Variants in PEBP4 observed in about 807,000 individuals in gnomAD.
The protein encoded by PEBP4 is phosphatidylethanolamine-binding protein 4.
A neutral mutation model predicts 23.9 loss-of-function variants in PEBP4; 22 were observed. The ratio of observed to expected loss-of-function variants is 0.92; its 90% confidence interval spans 0.66 to 1.31. The LOEUF (loss-of-function observed/expected upper bound fraction) is 1.31. Ranked by LOEUF, PEBP4 falls within the 40% of genes most tolerant of loss-of-function variation. PEBP4 has a pLI of 0.00. For missense variants in PEBP4, 324 were observed against 281.7 expected, an observed-to-expected ratio of 1.15 and a Z score of -1.07; for synonymous variants, 112 against 99.3, an observed-to-expected ratio of 1.13 and a Z score of -0.76.
chr8:22,889,297 G>A (rs965819476), intron 3 of PEBP4, among the ~76,000 whole-genome samples: 1 of 152,228 alleles, frequency 6.6e-6, no homozygotes, highest in Non-Finnish European at 1.5e-5. Context: ...GACCATGGGA[G>A]TGAGAAACAG....
At position 22,927,721 on chromosome 8, in the gene PEBP4, C is replaced by G; in HGVS notation, c.-6-1G>C. Reference sequence around the variant, plus strand: ...GCCTCATTGTCCAACCCATGGGCACCTGGAACAGAAAGAACTTTAGAGCGG... The same window carrying G: ...GCCTCATTGTCCAACCCATGGGCACGTGGAACAGAAAGAACTTTAGAGCGG... On this transcript the variant is annotated splice_acceptor_variant, in intron 1 of 6. Coordinates refer to ENST00000256404, the MANE Select transcript of PEBP4 (RefSeq NM_144962.3). LOFTEE classifies it low-confidence loss of function (5UTR_SPLICE). 1 of 1,613,476 alleles carries G rather than the reference C, an allele frequency of 6.2e-7. No homozygotes were observed. The highest frequency in any genetic ancestry group is 8.5e-7 in the Non-Finnish European group (1 of 1,179,688).
chr8:22,718,318 G>A (rs527604351), intron 6 of PEBP4, among the ~76,000 whole-genome samples: 1 of 152,356 alleles, frequency 6.6e-6, no homozygotes, highest in East Asian at 1.9e-4. Context: ...GGGATCAGGA[G>A]GATGGGAGAC....
chr8:22,914,016 C>T (rs1291523548), intron 3 of PEBP4, among the ~76,000 whole-genome samples: 1 of 137,666 alleles, frequency 7.3e-6, no homozygotes, highest in Non-Finnish European at 1.5e-5. Context: ...GAGACAGAGT[C>T]TTGCTCTGTT....
At chr8:22,817,224 C>T (rs931481553) in intron 4 of PEBP4, among the ~76,000 whole-genome samples, 3 of 152,228 alleles carry the variant, frequency 2.0e-5, no homozygotes, top group Non-Finnish European at 4.4e-5. Context: ...CCGGTTCTGC[C>T]ACCTGCACGT....
At chr8:22,832,094 G>A (rs533056698) in intron 3 of PEBP4, among the ~76,000 whole-genome samples, 22 of 152,296 alleles carry the variant, frequency 1.4e-4, no homozygotes, top group African/African-American at 2.9e-4. Flanking sequence ...AGACCAATTC[G>A]TGTGAGGGAT....
At position 22,723,975 on chromosome 8, in the gene PEBP4, G is replaced by A. The variant is rs149975752; in HGVS notation, c.517+868C>T. Among the ~76,000 whole-genome samples the A allele has an allele frequency of 5.4e-3, 822 of 152,362 alleles. 4 individuals are homozygous for A. Among genetic ancestry groups the A allele is most frequent in the Non-Finnish European group, 9.4e-3 (642 of 68,036 alleles). On this transcript the variant is annotated intron_variant, in intron 6 of 6. Transcript: ENST00000256404. ...GGTCACTGGGTGAGAGGAAATGGCT[G>A]ACGACACCCACCCTCCCACTTGCCT... is the stretch of plus-strand genomic sequence containing the variant.
intron 4 of PEBP4, among the ~76,000 whole-genome samples, chr8:22,752,060 C>T (rs781586457): frequency 7.9e-5 from 12 of 152,166 alleles, no homozygotes; most frequent in Non-Finnish European, 1.3e-4. Flanking sequence ...CCATGCCTGG[C>T]TAATTTTTTT....
chr8:22,778,640 G>C (rs981785537), intron 4 of PEBP4, among the ~76,000 whole-genome samples: 5 of 152,162 alleles, frequency 3.3e-5, no homozygotes, highest in African/African-American at 9.7e-5. Context: ...TCTGCTGATG[G>C]AGCGGGCCTG....
At chr8:22,784,254 G>T (rs769760432) in intron 4 of PEBP4, among the ~76,000 whole-genome samples, 20 of 152,188 alleles carry the variant, frequency 1.3e-4, no homozygotes, top group Non-Finnish European at 2.9e-4. Context: ...GGGTGTCAGG[G>T]TTGAAGGAAG....
chr8:22,841,092 C>T (rs1169785900), intron 3 of PEBP4, among the ~76,000 whole-genome samples: 1 of 152,240 alleles, frequency 6.6e-6, no homozygotes, highest in African/African-American at 2.4e-5. Context: ...CTGCAGCCAA[C>T]ACACCAGCTC....
chr8:22,860,132 A>G (rs7462198), intron 3 of PEBP4, among the ~76,000 whole-genome samples: 1 of 142,178 alleles, frequency 7.0e-6, no homozygotes, highest in East Asian at 2.0e-4. Flanking sequence ...AAAAAAAAAA[A>G]GAAAAAGAAA....
chr8:22,768,974 G>T (rs1371781509), intron 4 of PEBP4, among the ~76,000 whole-genome samples: 1 of 152,204 alleles, frequency 6.6e-6, no homozygotes, highest in African/African-American at 2.4e-5. Flanking sequence ...GAGCTGGGCA[G>T]AGTGGGTTTC....
intron 3 of PEBP4, among the ~76,000 whole-genome samples, chr8:22,909,500 T>G (rs1310327238): frequency 2.0e-5 from 3 of 152,244 alleles, no homozygotes; most frequent in African/African-American, 7.2e-5. Flanking sequence ...AGGCCACCAT[T>G]AAACCATTTG....
chr8:22,767,368 C>G (rs892274613), intron 4 of PEBP4, among the ~76,000 whole-genome samples: 1 of 152,092 alleles, frequency 6.6e-6, no homozygotes, highest in African/African-American at 2.4e-5. Flanking sequence ...TTGAATAATC[C>G]CCCCCACCAA....
chr8:22,714,785 T>C (rs984382923), intron 6 of PEBP4, among the ~76,000 whole-genome samples: 7 of 152,040 alleles, frequency 4.6e-5, no homozygotes, highest in African/African-American at 1.7e-4. Context: ...ACCCTTTTCA[T>C]AGCAATTAAG....
intron 4 of PEBP4, among the ~76,000 whole-genome samples, chr8:22,748,303 A>G (rs753749512): frequency 2.8e-4 from 42 of 151,834 alleles, no homozygotes; most frequent in Non-Finnish European, 5.0e-4. Context: ...GGGTGAGGGG[A>G]CAGAAGCCCA....
chr8:22,891,751 A>G (rs935744494), intron 3 of PEBP4, among the ~76,000 whole-genome samples: 3 of 152,218 alleles, frequency 2.0e-5, no homozygotes, highest in Admixed American at 6.5e-5. Context: ...TCCTCCCACC[A>G]TGGACCACAG....
At chr8:22,857,241 T>TACACACAC (rs35324307) in intron 3 of PEBP4, among the ~76,000 whole-genome samples, 233 of 148,124 alleles carry the variant, frequency 1.6e-3, no homozygotes, top group African/African-American at 5.3e-3. Flanking sequence ...AAATGAAACC[T>TACACACAC]ACACACACAC....
At chr8:22,719,125 G>T (rs979443026) in intron 6 of PEBP4, among the ~76,000 whole-genome samples, 6 of 152,330 alleles carry the variant, frequency 3.9e-5, no homozygotes, top group African/African-American at 1.4e-4. Flanking sequence ...CCGAATTTGG[G>T]TGCCTGTGGT....
Sources: allele counts gnomAD v4.1 joint callset (sites outside exome capture counted in the v4.1 genomes callset), GRCh38; gene constraint gnomAD v4.1.1; transcripts MANE v1.5; gene names NCBI Gene and HGNC (gene_info 2026-07-23, HGNC 2026-07-21).